SDK1: variants seen among roughly 807,000 people sequenced by gnomAD.
SDK1 encodes sidekick cell adhesion molecule 1.
Under a neutral mutation model 245.5 loss-of-function variants are expected in SDK1, and 157 were observed. That is an observed-to-expected ratio of 0.64 (90% CI 0.56 to 0.73). The LOEUF (loss-of-function observed/expected upper bound fraction) is 0.73. Ranked by LOEUF, SDK1 falls within the 30% of genes least tolerant of loss-of-function variation. The pLI is 0.00. For missense variants in SDK1, 3,583 were observed against 3,002.3 expected (o/e 1.19, Z -4.52); for synonymous variants, 1,647 against 1,278.5 (o/e 1.29, Z -6.15).
chr7:3,459,904 G>C (rs1583889142), intron 1 of SDK1, among the ~76,000 whole-genome samples: 1 of 152,138 alleles, frequency 6.6e-6, no homozygotes, highest in Non-Finnish European at 1.5e-5. Context: ...TGTTTATTGA[G>C]GCTTTTCAAT....
At chr7:4,236,893 A>C (rs1786201614) in intron 41 of SDK1, among the ~76,000 whole-genome samples, 1 of 151,912 alleles carries the variant, frequency 6.6e-6, no homozygotes, top group African/African-American at 2.4e-5. Context: ...AACCCACACA[A>C]CGTTTTTGTT....
At chr7:3,348,634 C>G (rs751745880) in intron 1 of SDK1, among the ~76,000 whole-genome samples, 13 of 152,134 alleles carry the variant, frequency 8.5e-5, no homozygotes, top group Admixed American at 2.6e-4. Flanking sequence ...CGTCTGCACC[C>G]CAAACCTCAG....
chr7:3,825,009 C>T (rs994587762), intron 5 of SDK1, among the ~76,000 whole-genome samples: 2 of 152,076 alleles, frequency 1.3e-5, no homozygotes, highest in African/African-American at 2.4e-5. Flanking sequence ...TTGCTGCCAT[C>T]CCAGGGGTGG....
intron 1 of SDK1, among the ~76,000 whole-genome samples, chr7:3,560,743 C>T (rs1252743112): frequency 3.3e-5 from 5 of 152,132 alleles, no homozygotes; most frequent in Admixed American, 1.3e-4. Context: ...TGGCAGAGCC[C>T]TCTCTGTATC....
At chr7:4,011,148 C>G in intron 15 of SDK1, 35 bp downstream of exon 15, 1 of 1,607,190 alleles carries the variant, frequency 6.2e-7, no homozygotes, top group Non-Finnish European at 8.5e-7. Context: ...GGGTGTGGAA[C>G]AGCCGGGGGC....
chr7:4,159,846 A>G (rs562570936), intron 31 of SDK1, among the ~76,000 whole-genome samples: 8 of 152,400 alleles, frequency 5.2e-5, no homozygotes, highest in East Asian at 1.9e-4. Context: ...TAGATTACTC[A>G]TGAGAGCTCC....
chr7:3,342,127 A>G (rs1046757547), intron 1 of SDK1, among the ~76,000 whole-genome samples: 2 of 152,252 alleles, frequency 1.3e-5, no homozygotes, highest in Non-Finnish European at 2.9e-5. Flanking sequence ...ACAAAGGTGA[A>G]AAAGCAATTC....
At chr7:3,493,589 T>C (rs998692180) in intron 1 of SDK1, among the ~76,000 whole-genome samples, 1 of 152,242 alleles carries the variant, frequency 6.6e-6, no homozygotes, top group Non-Finnish European at 1.5e-5. Context: ...TGCACTATTA[T>C]TTAACTAAAG....
At chr7:4,060,264 A>G (rs1779452564) in intron 19 of SDK1, among the ~76,000 whole-genome samples, 1 of 152,232 alleles carries the variant, frequency 6.6e-6, no homozygotes, top group African/African-American at 2.4e-5. Context: ...AAGAGCCTAC[A>G]ATAAATGCCT....
intron 1 of SDK1, among the ~76,000 whole-genome samples, chr7:3,577,504 C>T (rs982433038): frequency 6.6e-6 from 1 of 151,900 alleles, no homozygotes; most frequent in Admixed American, 6.6e-5. Context: ...CATGCTCTTC[C>T]CTCTTTCTTC....
chr7:3,329,851 T>C (rs1386315100), intron 1 of SDK1, among the ~76,000 whole-genome samples: 1 of 152,226 alleles, frequency 6.6e-6, no homozygotes, highest in Non-Finnish European at 1.5e-5. Flanking sequence ...TTATATAGCA[T>C]TTATACTTTA....
At chr7:4,097,737 C>T (rs189295224) in intron 22 of SDK1, among the ~76,000 whole-genome samples, 38 of 152,318 alleles carry the variant, frequency 2.5e-4, no homozygotes, top group Admixed American at 2.1e-3. Context: ...TATGGAAGGA[C>T]GTGAGACCTG....
At chr7:3,703,538 G>T (rs1047433113) in intron 4 of SDK1, among the ~76,000 whole-genome samples, 4 of 152,258 alleles carry the variant, frequency 2.6e-5, no homozygotes. Context: ...GGACTGTAGT[G>T]GTGGTGAAGT....
chr7:4,160,690 T>C (rs1781057152), intron 31 of SDK1, among the ~76,000 whole-genome samples: 1 of 152,168 alleles, frequency 6.6e-6, no homozygotes, highest in African/African-American at 2.4e-5. Flanking sequence ...TCAAGGACAT[T>C]GAGAACTCCC....
At chr7:4,249,793 G>A (rs914572334) in intron 44 of SDK1, among the ~76,000 whole-genome samples, 3 of 152,174 alleles carry the variant, frequency 2.0e-5, no homozygotes, top group Admixed American at 2.0e-4. Flanking sequence ...AGAGGGAACC[G>A]GGGACTTAGA....
At position 3,869,225 on chromosome 7, in the gene SDK1, G is replaced by C. The variant is rs530436869; in HGVS notation, c.847+47642G>C. On this transcript the variant is annotated intron_variant, in intron 5 of 44. Coordinates refer to ENST00000404826, the MANE Select transcript of SDK1 (RefSeq NM_152744.4). ...GGCTGGAGTGCAGTGATGCAATCTCGGCCCACTGCAATCTCCACCTCCCGG... is the reference window on the plus strand; with the variant it reads ...GGCTGGAGTGCAGTGATGCAATCTCCGCCCACTGCAATCTCCACCTCCCGG... Among the ~76,000 whole-genome samples, 24 of 144,426 alleles carry C rather than the reference G, an allele frequency of 1.7e-4. No individual in the cohort carries two copies. In the South Asian group the frequency reaches 4.6e-3, roughly 28 times the overall value. The allele number at this position is 144,426 out of a possible 152,430, so 94.7% of individuals were successfully genotyped here.
Position 4,051,647 on chromosome 7 carries a change from T to G in SDK1, c.2728T>G (p.Trp910Gly). The change falls in exon 19 of 45, where the codon TGG becomes GGG. Residue 910 changes from tryptophan (W) to glycine (G), a missense_variant. Coordinates refer to ENST00000404826, the MANE Select transcript of SDK1 (RefSeq NM_152744.4). The part of the protein sequence containing the change: ...GINQGYKLLA[W>G]PADAPEAVTV... ...CCCTGTTCCATCTCAGCTTCTGGCATGGCCGGCAGATGCCCCCGAGGCTGT... is the reference window on the plus strand; with the variant it reads ...CCCTGTTCCATCTCAGCTTCTGGCAGGGCCGGCAGATGCCCCCGAGGCTGT... 1 of 1,610,768 alleles carries G rather than the reference T, an allele frequency of 6.2e-7. No individual in the cohort carries two copies. The highest frequency in any genetic ancestry group is 1.7e-5 in the Admixed American group (1 of 59,442).
chr7:4,200,983 C>G (rs916544168), intron 35 of SDK1, among the ~76,000 whole-genome samples: 1 of 152,216 alleles, frequency 6.6e-6, no homozygotes, highest in South Asian at 2.1e-4. Context: ...AAAGTCCTTA[C>G]GTCCCTCAGC....
chr7:3,399,300 G>C (rs564423696), intron 1 of SDK1, among the ~76,000 whole-genome samples: 7 of 151,728 alleles, frequency 4.6e-5, no homozygotes, highest in African/African-American at 1.4e-4. Context: ...TTTTAATTTT[G>C]TTCCTTTTTG....
Sources: gnomAD v4.1 joint callset for allele counts (sites outside exome capture counted in the v4.1 genomes callset) on GRCh38, gnomAD v4.1.1 for gene constraint, MANE v1.5 for transcripts, NCBI Gene and HGNC (gene_info 2026-07-23, HGNC 2026-07-21) for gene names.